The following SLIT2 variants were observed in gnomAD, a reference collection of about 807,000 sequenced individuals.
SLIT2 encodes slit homolog 2 protein.
A neutral mutation model predicts 185.7 loss-of-function variants in SLIT2; 41 were observed. The observed-to-expected ratio is 0.22, with a 90% CI of 0.17 to 0.29. The LOEUF (loss-of-function observed/expected upper bound fraction) is 0.29. SLIT2 is among the 10% of genes least tolerant of loss of function. SLIT2 has a pLI of 1.00. For synonymous variants in SLIT2, 693 were observed against 680.2 expected, an observed-to-expected ratio of 1.02 and a Z score of -0.29; for missense variants, 1,571 against 1,909.0, an observed-to-expected ratio of 0.82 and a Z score of 3.30.
chr4:20,391,217 G>T (rs1725388008), intron 4 of SLIT2, among the ~76,000 whole-genome samples: 1 of 151,934 alleles, frequency 6.6e-6, no homozygotes, highest in Admixed American at 6.6e-5. Flanking sequence ...GGCTTCTCTG[G>T]TGGGTGATAA....
intron 29 of SLIT2, among the ~76,000 whole-genome samples, chr4:20,574,144 C>A (rs879416541): frequency 4.0e-5 from 6 of 151,546 alleles, no homozygotes; most frequent in Non-Finnish European, 8.8e-5. Context: ...TTAGTAGAGA[C>A]GGGATTTCAC....
At chr4:20,365,692 T>TG (rs1317533161) in intron 4 of SLIT2, among the ~76,000 whole-genome samples, 2 of 152,146 alleles carry the variant, frequency 1.3e-5, no homozygotes, top group African/African-American at 4.8e-5. Flanking sequence ...GAGTGGGGAC[T>TG]GGGCCAGTGA....
At chr4:20,297,614 G>A (rs1453889295) in intron 4 of SLIT2, among the ~76,000 whole-genome samples, 1 of 152,118 alleles carries the variant, frequency 6.6e-6, no homozygotes, top group Admixed American at 6.5e-5. Context: ...AACTGAAATA[G>A]GGTAGGGTGA....
chr4:20,262,119 A>G (rs536280203), intron 3 of SLIT2, among the ~76,000 whole-genome samples: 3 of 151,886 alleles, frequency 2.0e-5, no homozygotes, highest in Non-Finnish European at 4.4e-5. Flanking sequence ...TATAAAGAAC[A>G]TATTCTTTTT....
At chr4:20,415,214 A>C (rs1197502967) in intron 4 of SLIT2, among the ~76,000 whole-genome samples, 3 of 152,178 alleles carry the variant, frequency 2.0e-5, no homozygotes, top group Non-Finnish European at 4.4e-5. Context: ...GACAGAGACC[A>C]TCCTGGCTAA....
chr4:20,256,316 T>TTGG (rs1553864836), intron 1 of SLIT2, among the ~76,000 whole-genome samples: 5 of 149,542 alleles, frequency 3.3e-5, no homozygotes, highest in African/African-American at 1.2e-4. Context: ...ACTTTTTTTT[T>TTGG]GGGGGGGGTG....
intron 4 of SLIT2, among the ~76,000 whole-genome samples, chr4:20,283,349 G>A (rs555997454): frequency 7.2e-5 from 11 of 152,242 alleles, no homozygotes; most frequent in Non-Finnish European, 1.0e-4. Context: ...GAGGGTGTTG[G>A]AGCCAAAAGC....
In SLIT2 at chr4:20,384,815, T is replaced by C. The variant is rs185992903; in HGVS notation, c.396-82937T>C. Among the ~76,000 whole-genome samples the C allele has an allele frequency of 3.3e-5, 5 of 152,296 alleles. No homozygotes were observed. In the East Asian group the frequency reaches 9.7e-4, roughly 29 times the overall value. On this transcript the variant is annotated intron_variant, in intron 4 of 36. Coordinates refer to ENST00000504154, the MANE Select transcript of SLIT2 (RefSeq NM_004787.4). ...ATTATACCGGTGGTGACAATTCATA[T>C]GTATATGCTTTATGGTTTTGAAAGT... is the stretch of plus-strand genomic sequence containing the variant.
chr4:20,291,946 G>T (rs1560289416), intron 4 of SLIT2, among the ~76,000 whole-genome samples: 1 of 151,332 alleles, frequency 6.6e-6, no homozygotes, highest in Non-Finnish European at 1.5e-5. Flanking sequence ...GTGTGCATGT[G>T]TGTGCATCCT....
chr4:20,504,967 T>G lies in SLIT2; in HGVS notation c.915-5528T>G, dbSNP rs7695880. Among the ~76,000 whole-genome samples, 1,184 of 152,146 alleles carry G rather than the reference T, an allele frequency of 7.8e-3. 16 individuals are homozygous for G. The highest frequency in any genetic ancestry group is 0.027 in the African/African-American group (1,125 of 41,528). On this transcript the variant is annotated intron_variant, in intron 9 of 36. Transcript: ENST00000504154. The stretch of plus-strand genomic sequence containing the variant: ...ATAGGAAAAAAAAGTGTATATAGGG[T>G]TCAGTACAATCTGTGGTTTCAGACA...
At chr4:20,286,886 A>AT (rs1462035611) in intron 4 of SLIT2, among the ~76,000 whole-genome samples, 2 of 152,046 alleles carry the variant, frequency 1.3e-5, no homozygotes, top group South Asian at 2.1e-4. Flanking sequence ...TTAATAAAAC[A>AT]TTTTTCCACG....
At chr4:20,328,855 T>C (rs1719816713) in intron 4 of SLIT2, among the ~76,000 whole-genome samples, 1 of 152,034 alleles carries the variant, frequency 6.6e-6, no homozygotes, top group Admixed American at 6.6e-5. Flanking sequence ...AATGAGAATG[T>C]TCCAAAATAA....
At chr4:20,423,883 T>C (rs1468069492) in intron 4 of SLIT2, among the ~76,000 whole-genome samples, 1 of 152,154 alleles carries the variant, frequency 6.6e-6, no homozygotes, top group African/African-American at 2.4e-5. Flanking sequence ...TTGCATTACA[T>C]GTGTTTCCTT....
intron 4 of SLIT2, among the ~76,000 whole-genome samples, chr4:20,368,228 A>AG (rs1347731071): frequency 6.6e-6 from 1 of 150,682 alleles, no homozygotes; most frequent in South Asian, 2.1e-4. Flanking sequence ...GCAAAAAAAA[A>AG]AAAAAAGAAA....
At chr4:20,547,806 A>G (rs1246459895) in intron 22 of SLIT2, among the ~76,000 whole-genome samples, 2 of 151,866 alleles carry the variant, frequency 1.3e-5, no homozygotes, top group African/African-American at 2.4e-5. Context: ...ATTACGACCC[A>G]TAGTACAAAC....
At chr4:20,390,197 AATGTAACCTCACT>A (rs1270672085) in intron 4 of SLIT2, among the ~76,000 whole-genome samples, 1 of 152,070 alleles carries the variant, frequency 6.6e-6, no homozygotes, top group African/African-American at 2.4e-5. Context: ...CTTATTCTAA[AATGTAACCTCACT>A]ATTCTAATTA....
intron 6 of SLIT2, 151 bp from the exon 7 acceptor site, chr4:20,486,049 C>A: frequency 1.7e-6 from 1 of 589,548 alleles, no homozygotes; most frequent in Non-Finnish European, 3.1e-6. Context: ...TATTTATCAA[C>A]TTGTCTATAG....
chr4:20,412,225 C>T (rs762350201), intron 4 of SLIT2, among the ~76,000 whole-genome samples: 16 of 151,884 alleles, frequency 1.1e-4, no homozygotes, highest in Non-Finnish European at 2.4e-4. Flanking sequence ...AGAATGCTCA[C>T]GTTCTTGATT....
chr4:20,384,528 A>T (rs976275916), intron 4 of SLIT2, among the ~76,000 whole-genome samples: 1 of 152,174 alleles, frequency 6.6e-6, no homozygotes, highest in Non-Finnish European at 1.5e-5. Flanking sequence ...AAAATAAGAT[A>T]TAAGAATCTA....
Sources: allele counts gnomAD v4.1 joint callset (sites outside exome capture counted in the v4.1 genomes callset), GRCh38; gene constraint gnomAD v4.1.1; transcripts MANE v1.5; gene names NCBI Gene and HGNC (gene_info 2026-07-23, HGNC 2026-07-21).